The following TBC1D22A variants were observed in gnomAD, a reference collection of about 807,000 sequenced individuals.
The protein encoded by TBC1D22A is TBC1 domain family member 22A.
In TBC1D22A, 38 loss-of-function variants were observed where a neutral mutation model predicts 60.2. The ratio of observed to expected loss-of-function variants is 0.63; its 90% confidence interval spans 0.49 to 0.83. The LOEUF (loss-of-function observed/expected upper bound fraction) is 0.83. Ranked by LOEUF, TBC1D22A falls within the 40% of genes least tolerant of loss-of-function variation. The probability of loss-of-function intolerance (pLI) is 0.00; values close to 1 mark genes in which losing one functional copy is unlikely to be tolerated. For missense variants in TBC1D22A, 628 were observed against 701.0 expected (o/e 0.90, Z 1.18); for synonymous variants, 302 against 281.7 (o/e 1.07, Z -0.72).
chr22:47,164,703 G>T (rs1440617383), intron 12 of TBC1D22A, among the ~76,000 whole-genome samples: 1 of 152,190 alleles, frequency 6.6e-6, no homozygotes, highest in Non-Finnish European at 1.5e-5. Context: ...CACAATCTGC[G>T]GGTCTTCTGC....
intron 10 of TBC1D22A, among the ~76,000 whole-genome samples, chr22:47,015,681 C>T (rs2061887519): frequency 6.6e-6 from 1 of 152,208 alleles, no homozygotes; most frequent in African/African-American, 2.4e-5. Context: ...GAAGCCAGGG[C>T]CCAGCATCCA....
intron 1 of TBC1D22A, among the ~76,000 whole-genome samples, chr22:46,766,292 C>T (rs547414121): frequency 8.9e-4 from 136 of 152,080 alleles, no homozygotes; most frequent in Non-Finnish European, 1.5e-3. Context: ...CCACTGTGCC[C>T]GGCAATTTTT....
At chr22:46,956,993 C>T (rs1419430460) in intron 8 of TBC1D22A, among the ~76,000 whole-genome samples, 3 of 152,218 alleles carry the variant, frequency 2.0e-5, no homozygotes, top group Non-Finnish European at 4.4e-5. Flanking sequence ...TGGGGTGCAG[C>T]CAGCCCTGGC....
At chr22:47,123,233 C>T (rs886203369) in intron 12 of TBC1D22A, among the ~76,000 whole-genome samples, 4 of 152,102 alleles carry the variant, frequency 2.6e-5, no homozygotes, top group African/African-American at 4.8e-5. Flanking sequence ...TCCCGGGTGA[C>T]GCTTCCTCCA....
chr22:46,888,793 C>G (rs2068247598), intron 5 of TBC1D22A, among the ~76,000 whole-genome samples: 1 of 152,182 alleles, frequency 6.6e-6, no homozygotes, highest in Non-Finnish European at 1.5e-5. Flanking sequence ...CTGCACCTTC[C>G]CTCCCGGGTT....
intron 11 of TBC1D22A, among the ~76,000 whole-genome samples, chr22:47,068,189 G>A (rs141838056): frequency 0.012 from 1,787 of 152,344 alleles, 9 homozygotes; most frequent in Middle Eastern, 0.061. Context: ...CACTCTGGCC[G>A]GACCCTTGAC....
chr22:46,952,423 A>G (rs959032253), intron 8 of TBC1D22A, among the ~76,000 whole-genome samples: 6 of 152,216 alleles, frequency 3.9e-5, no homozygotes, highest in African/African-American at 1.2e-4. Flanking sequence ...TTAAAGGTCC[A>G]CAAGTGGCTT....
chr22:46,959,255 G>A (rs1044994733), intron 8 of TBC1D22A, among the ~76,000 whole-genome samples: 12 of 152,202 alleles, frequency 7.9e-5, no homozygotes, highest in Admixed American at 2.6e-4. Context: ...TCTGTGGTAT[G>A]GGGCTGGTGT....
At chr22:47,160,091 A>G (rs991382992) in intron 12 of TBC1D22A, among the ~76,000 whole-genome samples, 1 of 148,028 alleles carries the variant, frequency 6.8e-6, no homozygotes, top group African/African-American at 2.5e-5. Context: ...GGGTGGGGGA[A>G]GGGCAGGGGA....
At chr22:47,164,830 G>A (rs775228588) in intron 12 of TBC1D22A, among the ~76,000 whole-genome samples, 21 of 152,288 alleles carry the variant, frequency 1.4e-4, no homozygotes, top group African/African-American at 4.6e-4. Context: ...TCACGGAAGC[G>A]GATACTTCAT....
intron 4 of TBC1D22A, among the ~76,000 whole-genome samples, chr22:46,824,221 A>G (rs1042079605): frequency 6.6e-6 from 1 of 152,114 alleles, no homozygotes; most frequent in Admixed American, 6.5e-5. Context: ...GGTGTCCTGT[A>G]GCTTCCGTGG....
chr22:46,852,343 G>A (rs1569131043), intron 4 of TBC1D22A, among the ~76,000 whole-genome samples: 1 of 152,178 alleles, frequency 6.6e-6, no homozygotes, highest in Non-Finnish European at 1.5e-5. Context: ...CCAGGGTGGC[G>A]GCTGCTGCTG....
intron 5 of TBC1D22A, among the ~76,000 whole-genome samples, chr22:46,884,092 G>A (rs879927145): frequency 2.0e-5 from 3 of 152,140 alleles, no homozygotes; most frequent in East Asian, 1.9e-4. Flanking sequence ...CGAACATTCC[G>A]CCCTCGTGGA....
chr22:47,137,723 A>G (rs1289984759), intron 12 of TBC1D22A, among the ~76,000 whole-genome samples: 1 of 152,118 alleles, frequency 6.6e-6, no homozygotes, highest in African/African-American at 2.4e-5. Flanking sequence ...ACCACTGGGG[A>G]AGAAGGGTGG....
At chr22:46,949,634 C>T (rs1042486815) in intron 8 of TBC1D22A, among the ~76,000 whole-genome samples, 1 of 152,230 alleles carries the variant, frequency 6.6e-6, no homozygotes, top group Admixed American at 6.5e-5. Context: ...TCATTTCATC[C>T]ATCTGCCGAC....
At chr22:47,005,179 G>T (rs1026073095) in intron 10 of TBC1D22A, among the ~76,000 whole-genome samples, 6 of 150,780 alleles carry the variant, frequency 4.0e-5, no homozygotes, top group African/African-American at 1.5e-4. Flanking sequence ...CTATACACAC[G>T]TGCCTATACA....
Position 46,941,465 on chromosome 22 carries a change from TAC to T in TBC1D22A, c.1015+29280_1015+29281del, listed in dbSNP as rs1322452859. ...ACGGAATATATATACGGAATATATA[TAC>T]ACGGAATATATATACGGAATATATA... On this transcript the variant is annotated intron_variant, in intron 8 of 12. Transcript: ENST00000337137. Among the ~76,000 whole-genome samples the T allele has an allele frequency of 1.3e-3, 191 of 144,164 alleles. 10 individuals are homozygous for T. Among genetic ancestry groups the T allele is most frequent in the African/African-American group, 4.5e-3 (177 of 39,718 alleles). 94.6% of individuals were successfully genotyped at this position (144,164 alleles called of 152,430 possible).
At position 47,173,605 on chromosome 22, in the gene TBC1D22A, C is replaced by A. The variant is rs751659883; in HGVS notation, c.1533C>A (p.Ala511=). ...GCCTCAAGTTTGCTTTTGCCGACGC[C>A]CCCAATCACTACAAGAAATGAGCCC... is the stretch of plus-strand genomic sequence containing the variant. ...AYRLKFAFAD[A]PNHYKK is the part of the protein sequence containing the mutation. The change falls in exon 13 of 13, where the codon GCC becomes GCA. Residue 511 remains alanine, a synonymous_variant. Coordinates refer to ENST00000337137, the MANE Select transcript of TBC1D22A (RefSeq NM_014346.5). 2.5e-6 allele frequency: 4 copies of A among 1,613,938 alleles called. No individual in the cohort carries two copies. The highest frequency in any genetic ancestry group is 1.7e-5 in the Admixed American group (1 of 59,996).
At chr22:47,110,829 C>T (rs1049443414) in intron 11 of TBC1D22A, among the ~76,000 whole-genome samples, 1 of 152,180 alleles carries the variant, frequency 6.6e-6, no homozygotes, top group Non-Finnish European at 1.5e-5. Context: ...GTGCAAGCCC[C>T]GAGCCTCGGT....
Sources: allele counts gnomAD v4.1 joint callset (sites outside exome capture counted in the v4.1 genomes callset), GRCh38; gene constraint gnomAD v4.1.1; transcripts MANE v1.5; gene names NCBI Gene and HGNC (gene_info 2026-07-23, HGNC 2026-07-21).